Variants in DDX20 observed in about 807,000 individuals in gnomAD.
The protein encoded by DDX20 is DEAD-box helicase 20.
DDX20 carries 61 observed loss-of-function variants against 76.4 expected under a neutral mutation model. That is an observed-to-expected ratio of 0.80 (90% confidence interval 0.65 to 0.99). The LOEUF is 0.99. DDX20 is among the 50% of genes least tolerant of loss of function. DDX20 has a pLI of 0.00. For synonymous variants in DDX20, 357 were observed against 357.4 expected (o/e 1.00, Z 0.01); for missense variants, 976 against 996.8 (o/e 0.98, Z 0.28).
In DDX20 at chr1:111,759,419, C is replaced by T. The variant is rs1207831266; in HGVS notation, c.416C>T (p.Thr139Ile). ...LSTQILILAP[T>I]REIAVQIHSV... The stretch of plus-strand genomic sequence containing the variant: ...TTTTAGATTTTGATCTTGGCTCCTA[C>T]AAGAGAAATTGCTGTACAGATACAT... Residue 139 changes from threonine to isoleucine, a missense_variant, in exon 3 of 11, where the codon ACA becomes ATA. Physicochemically the swap from Thr to Ile is moderately conservative, Grantham distance 89. Around this residue, in one of 3 missense-constraint regions of DDX20, gnomAD observed 343 missense variants for 286.4 expected, o/e 1.20. Transcript: ENST00000369702. 6.3e-7 allele frequency: 1 copy of T among 1,598,892 alleles called. No individual in the cohort carries two copies. The highest frequency in any genetic ancestry group is 1.4e-5 in the African/African-American group (1 of 73,986).
chr1:111,762,558 G>C, intron 8 of DDX20, 119 bp from the exon 9 acceptor site: 1 of 937,842 alleles, frequency 1.1e-6, no homozygotes, highest in South Asian at 1.6e-5. Context: ...CTTTTCCTCT[G>C]CTCCTCAGTA....
rs1663797320 is a variant in DDX20 at position 111,766,986 on chromosome 1, T to C, written c.*87T>C. On this transcript the variant is annotated 3_prime_UTR_variant, in exon 11 of 11. Coordinates refer to ENST00000369702, the MANE Select transcript of DDX20 (RefSeq NM_007204.5). ...CTCCTCGACTTATAGTACAGTGGTG[T>C]ATAGTGGCATTTCTGATAAACTTGA... 8.8e-6 allele frequency: 9 copies of C among 1,017,800 alleles called. No homozygotes were observed. The highest frequency in any genetic ancestry group is 1.3e-5 in the Non-Finnish European group (9 of 705,046). 63.0% of individuals were successfully genotyped at this position (1,017,800 alleles called of 1,614,324 possible).
intron 2 of DDX20, among the ~76,000 whole-genome samples, chr1:111,758,760 T>A (rs1663615568): frequency 6.6e-6 from 1 of 152,216 alleles, no homozygotes; most frequent in Non-Finnish European, 1.5e-5. Flanking sequence ...TTTATGATAC[T>A]TTTTATTACC....
intron 10 of DDX20, among the ~76,000 whole-genome samples, chr1:111,764,710 A>G (rs929811482): frequency 6.6e-5 from 10 of 152,218 alleles, no homozygotes; most frequent in African/African-American, 2.4e-4. Context: ...GATACTGGAA[A>G]ATGATATATT....
At chr1:111,765,250 T>C (rs1193757805) in intron 10 of DDX20, among the ~76,000 whole-genome samples, 1 of 152,244 alleles carries the variant, frequency 6.6e-6, no homozygotes, top group Non-Finnish European at 1.5e-5. Context: ...GTTTTCTCTT[T>C]ATTGTTAAGG....
At chr1:111,763,656 T>C (rs1036792385) in intron 10 of DDX20, among the ~76,000 whole-genome samples, 5 of 152,208 alleles carry the variant, frequency 3.3e-5, no homozygotes, top group Non-Finnish European at 7.3e-5. Flanking sequence ...TTTTATTCTT[T>C]GATACAAGGG....
chr1:111,759,464 G>T lies in DDX20; in HGVS notation c.461G>T (p.Gly154Val). The T allele has an allele frequency of 6.2e-7, 1 of 1,613,424 alleles. No individual in the cohort carries two copies. The highest frequency in any genetic ancestry group is 8.5e-7 in the Non-Finnish European group (1 of 1,179,510). ...ATACATTCTGTTATTACAGCCATTG[G>T]AATAAAAATGGAAGGCTTAGAGTGT... ...VQIHSVITAI[G>V]IKMEGLECHV... is the part of the protein sequence containing the mutation. The change falls in exon 3 of 11, where the codon GGA becomes GTA. Residue 154 changes from glycine (G) to valine (V), a missense_variant. Around this residue, in one of 3 missense-constraint regions of DDX20, gnomAD observed 343 missense variants for 286.4 expected, o/e 1.20. Coordinates refer to ENST00000369702, the MANE Select transcript of DDX20 (RefSeq NM_007204.5).
rs1383410308 is a variant in DDX20, at chr1:111,767,103, T to C, written c.*204T>C. The C allele has an allele frequency of 1.5e-5, 6 of 401,634 alleles. No individual in the cohort carries two copies. Among genetic ancestry groups the C allele is most frequent in the Non-Finnish European group, 2.7e-5 (6 of 226,236 alleles). The allele number at this position is 401,634 out of a possible 1,614,324, so 24.9% of individuals were successfully genotyped here. On this transcript the variant is annotated 3_prime_UTR_variant, in exon 11 of 11. Coordinates refer to ENST00000369702, the MANE Select transcript of DDX20 (RefSeq NM_007204.5). ...TTATCTTCATTTTTAAGAGTTTCTT[T>C]AAGAAACTTCATCAGATTGTTGAAA...
chr1:111,758,971 G>GT (rs1557921177), intron 2 of DDX20, among the ~76,000 whole-genome samples: 1 of 152,138 alleles, frequency 6.6e-6, no homozygotes, highest in East Asian at 1.9e-4. Context: ...TTCAGGTTTT[G>GT]TATCAGCTGA....
Sources: allele counts gnomAD v4.1 joint callset (sites outside exome capture counted in the v4.1 genomes callset), GRCh38; gene constraint gnomAD v4.1.1; regional missense constraint gnomAD v4.1.1; transcripts MANE v1.5; gene names NCBI Gene and HGNC (gene_info 2026-07-23, HGNC 2026-07-21).